Variants in KCNN2 observed in about 807,000 individuals in gnomAD.
KCNN2 encodes the protein potassium calcium-activated channel subfamily N member 2.
A neutral mutation model predicts 55.5 loss-of-function variants in KCNN2; 24 were observed. The observed-to-expected ratio is 0.43, with a 90% CI of 0.31 to 0.61. The LOEUF is 0.61. Ranked by LOEUF, KCNN2 falls within the 20% of genes least tolerant of loss-of-function variation. KCNN2 has a pLI of 0.08. For synonymous variants in KCNN2, 431 were observed against 336.1 expected (o/e 1.28, Z -3.09); for missense variants, 754 against 853.6 (o/e 0.88, Z 1.45).
chr5:114,329,615 G>C (rs1328593806), intron 2 of KCNN2, among the ~76,000 whole-genome samples: 1 of 152,142 alleles, frequency 6.6e-6, no homozygotes, highest in South Asian at 2.1e-4. Flanking sequence ...GAGGTTTGGG[G>C]ACTCAGACTG....
chr5:114,216,871 T>C (rs1473215016), intron 1 of KCNN2, among the ~76,000 whole-genome samples: 1 of 151,980 alleles, frequency 6.6e-6, no homozygotes, highest in Non-Finnish European at 1.5e-5. Flanking sequence ...CAGAAAAAAA[T>C]TTTTAAAAAC....
chr5:114,167,113 A>C (rs1752928741), intron 1 of KCNN2, among the ~76,000 whole-genome samples: 1 of 152,160 alleles, frequency 6.6e-6, no homozygotes, highest in Admixed American at 6.6e-5. Flanking sequence ...CCTAAACAAT[A>C]GCCAGTACCA....
chr5:114,135,630 C>T (rs556534633), intron 1 of KCNN2, among the ~76,000 whole-genome samples: 164 of 152,322 alleles, frequency 1.1e-3, no homozygotes, highest in African/African-American at 3.7e-3. Context: ...GCATCCATCC[C>T]ACAGAATTTC....
chr5:114,225,271 C>G (rs1287260990), intron 2 of KCNN2, among the ~76,000 whole-genome samples: 2 of 152,046 alleles, frequency 1.3e-5, no homozygotes, highest in Non-Finnish European at 2.9e-5. Flanking sequence ...AAAATAGACA[C>G]AACTGATGAG....
intron 1 of KCNN2, among the ~76,000 whole-genome samples, chr5:114,079,845 G>A (rs1349104816): frequency 9.6e-6 from 1 of 104,482 alleles, no homozygotes; most frequent in East Asian, 2.0e-4. Flanking sequence ...GTGTGTGTGT[G>A]AGAGAGAGAG....
chr5:114,429,906 T>C lies in KCNN2; in HGVS notation c.1637+25050T>C, dbSNP rs539244479. 2.6e-5 allele frequency among the ~76,000 whole-genome samples: 4 copies of C among 151,162 alleles called. No homozygotes were observed. The South Asian group carries it at 8.4e-4, about 32-fold the overall frequency. On this transcript the variant is annotated intron_variant, in intron 3 of 7. Coordinates refer to ENST00000673685, the MANE Select transcript of KCNN2 (RefSeq NM_021614.4). ...AAAGATTGTCCTTTCCCTCTGTTGATTTGCCTGTATCAATGATCAGTTGAT... is the reference window on the plus strand; with the variant it reads ...AAAGATTGTCCTTTCCCTCTGTTGACTTGCCTGTATCAATGATCAGTTGAT...
At chr5:114,295,238 A>G (rs899430757) in intron 2 of KCNN2, among the ~76,000 whole-genome samples, 52 of 152,142 alleles carry the variant, frequency 3.4e-4, no homozygotes, top group African/African-American at 1.2e-3. Flanking sequence ...GCTGTCAGAC[A>G]GGGACATTTA....
At chr5:114,185,343 C>T (rs965958867) in intron 1 of KCNN2, among the ~76,000 whole-genome samples, 1 of 152,160 alleles carries the variant, frequency 6.6e-6, no homozygotes, top group African/African-American at 2.4e-5. Flanking sequence ...TCATTATAGA[C>T]AACATGAAAA....
intron 2 of KCNN2, among the ~76,000 whole-genome samples, chr5:114,295,861 G>C (rs902335578): frequency 6.6e-6 from 1 of 150,666 alleles, no homozygotes; most frequent in African/African-American, 2.5e-5. Context: ...CAATATATGA[G>C]CATTTAAATT....
At chr5:114,342,596 A>C (rs1247420593) in intron 2 of KCNN2, among the ~76,000 whole-genome samples, 1 of 152,240 alleles carries the variant, frequency 6.6e-6, no homozygotes, top group Non-Finnish European at 1.5e-5. Context: ...TTAGAAATCT[A>C]GAATTGTTCA....
chr5:114,270,616 C>CA (rs1166215360), intron 2 of KCNN2, among the ~76,000 whole-genome samples: 1 of 152,154 alleles, frequency 6.6e-6, no homozygotes, highest in Admixed American at 6.6e-5. Context: ...ATTATTATCT[C>CA]AAACTGTTTA....
intron 2 of KCNN2, among the ~76,000 whole-genome samples, chr5:114,285,848 T>C (rs1348611092): frequency 6.6e-6 from 1 of 151,664 alleles, no homozygotes; most frequent in Non-Finnish European, 1.5e-5. Context: ...AAGAGAGATA[T>C]AAAGAATTAG....
intron 2 of KCNN2, among the ~76,000 whole-genome samples, chr5:114,342,690 T>C (rs1338339936): frequency 6.6e-6 from 1 of 152,234 alleles, no homozygotes; most frequent in Non-Finnish European, 1.5e-5. Flanking sequence ...TTAAATGTCA[T>C]ATTATAAGTA....
intron 5 of KCNN2, 189 bp from the exon 6 acceptor site, chr5:114,486,861 T>G: frequency 8.6e-7 from 1 of 1,166,738 alleles, no homozygotes; most frequent in Non-Finnish European, 1.2e-6. Context: ...TCAATTTAAG[T>G]GTTGTTCCCA....
chr5:114,433,075 C>G (rs1759858757), intron 3 of KCNN2, among the ~76,000 whole-genome samples: 1 of 152,184 alleles, frequency 6.6e-6, no homozygotes, highest in African/African-American at 2.4e-5. Flanking sequence ...GGGCGCACAG[C>G]ACGGGACTGG....
intron 2 of KCNN2, among the ~76,000 whole-genome samples, chr5:114,288,433 T>C (rs1237923982): frequency 2.0e-5 from 3 of 151,884 alleles, no homozygotes; most frequent in Non-Finnish European, 4.4e-5. Flanking sequence ...CAATTTTACA[T>C]TCCCATCAGT....
At chr5:114,318,363 T>C (rs891905606) in intron 2 of KCNN2, among the ~76,000 whole-genome samples, 1 of 152,148 alleles carries the variant, frequency 6.6e-6, no homozygotes, top group Non-Finnish European at 1.5e-5. Flanking sequence ...TTTGATGTTC[T>C]CATCAAAAAT....
intron 2 of KCNN2, among the ~76,000 whole-genome samples, chr5:114,275,249 A>G (rs1755460140): frequency 1.3e-5 from 2 of 152,184 alleles, no homozygotes; most frequent in Admixed American, 1.3e-4. Flanking sequence ...TATTTTATTG[A>G]GGATTTTTAC....
intron 1 of KCNN2, among the ~76,000 whole-genome samples, chr5:114,106,821 C>T (rs1751494236): frequency 6.6e-6 from 1 of 151,914 alleles, no homozygotes; most frequent in Non-Finnish European, 1.5e-5. Context: ...CTCTGCCACT[C>T]AGTGGTTTGA....
Sources: allele counts gnomAD v4.1 joint callset (sites outside exome capture counted in the v4.1 genomes callset), GRCh38; gene constraint gnomAD v4.1.1; transcripts MANE v1.5; gene names NCBI Gene and HGNC (gene_info 2026-07-23, HGNC 2026-07-21).